STK10: variants seen among roughly 807,000 people sequenced by gnomAD.
The protein encoded by STK10 is serine/threonine-protein kinase 10.
Under a neutral mutation model 113.8 loss-of-function variants are expected in STK10, and 78 were observed. That is an observed-to-expected ratio of 0.69 (90% CI 0.57 to 0.83). The LOEUF (loss-of-function observed/expected upper bound fraction) is 0.83, where lower values mean the gene tolerates loss of function less well. Among genes scored for constraint, STK10 ranks in the 40% least tolerant of loss-of-function variants. The pLI, the probability that STK10 is intolerant of heterozygous loss-of-function variation, is 0.00. For synonymous variants in STK10, 465 were observed against 494.7 expected (o/e 0.94, Z 0.80); for missense variants, 1,109 against 1,280.1 (o/e 0.87, Z 2.04).
intron 1 of STK10, among the ~76,000 whole-genome samples, chr5:172,162,426 G>A (rs970205823): frequency 1.3e-5 from 2 of 151,956 alleles, no homozygotes; most frequent in African/African-American, 2.4e-5. Flanking sequence ...GTGCTTGCTC[G>A]CTCACTTGCT....
Position 172,106,830 on chromosome 5 carries a change from G to C in STK10, c.594-16C>G. The C allele has an allele frequency of 6.2e-7, 1 of 1,610,896 alleles. No individual in the cohort carries two copies. On this transcript the variant is annotated splice_polypyrimidine_tract_variant and intron_variant, in intron 5 of 18. Transcript: ENST00000176763. ...GGGGGCCATCCTGAACCAACCAAGG[G>C]ACAACATAGGGCTAAGAATCTGGCC...
At chr5:172,057,245 C>T in intron 15 of STK10, 104 bp downstream of exon 15, 3 of 1,490,674 alleles carry the variant, frequency 2.0e-6, no homozygotes, top group Non-Finnish European at 2.7e-6. Context: ...GGGCACTTGT[C>T]ATCCAAAGTG....
intron 2 of STK10, among the ~76,000 whole-genome samples, chr5:172,144,965 A>C (rs1770055910): frequency 6.6e-6 from 1 of 151,800 alleles, no homozygotes; most frequent in Non-Finnish European, 1.5e-5. Context: ...AGGGGACCTA[A>C]CTCCCTCAGG....
rs1004696723 is a variant in STK10 at position 172,042,200 on chromosome 5, A to AG, written c.*2681dup. On this transcript the variant is annotated 3_prime_UTR_variant, in exon 19 of 19. Coordinates refer to ENST00000176763, the MANE Select transcript of STK10 (RefSeq NM_005990.4). ...TAAAAATAATTTCTATCTTTCATAA[A>AG]GGGAAAATAAAAGTTAGTTACATTT... 13 of 152,756 alleles carry AG rather than the reference A, an allele frequency of 8.5e-5. No individual in the cohort carries two copies. Among genetic ancestry groups the AG allele is most frequent in the African/African-American group, 3.1e-4 (13 of 41,546 alleles). 9.5% of individuals were successfully genotyped at this position (152,756 alleles called of 1,614,324 possible).
At chr5:172,176,002 G>A (rs1165574656) in intron 1 of STK10, among the ~76,000 whole-genome samples, 1 of 152,112 alleles carries the variant, frequency 6.6e-6, no homozygotes, top group Non-Finnish European at 1.5e-5. Context: ...GTTCACTTTG[G>A]AACCCACAGG....
intron 16 of STK10, 115 bp from the exon 17 acceptor site, chr5:172,054,809 C>T (rs1581131694): frequency 1.4e-6 from 2 of 1,399,502 alleles, no homozygotes; most frequent in African/African-American, 2.8e-5. Flanking sequence ...CTGTGCACAG[C>T]CCCAGTACCC....
rs13713 is a variant in STK10, at chr5:172,044,475, C to T, written c.*407G>A. The T allele has an allele frequency of 7.9e-3, 1,484 of 186,858 alleles. 27 individuals carry two copies. The highest frequency in any genetic ancestry group is 0.033 in the African/African-American group (1,391 of 42,466). The allele number at this position is 186,858 out of a possible 1,614,324, so 11.6% of individuals were successfully genotyped here. On this transcript the variant is annotated 3_prime_UTR_variant, in exon 19 of 19. Transcript: ENST00000176763. This position sits in a 1 kb window ranked among gnomAD's most constrained non-coding sequence, Gnocchi z 4.5. ...GGCTGAAAAACCAAGAATTCCAGCC[C>T]GGATGAGCCCACGGGGACTTCATCA...
chr5:172,088,901 A>G (rs778866644), intron 10 of STK10, among the ~76,000 whole-genome samples: 3 of 152,240 alleles, frequency 2.0e-5, no homozygotes, highest in Non-Finnish European at 2.9e-5. Flanking sequence ...ACAACTGAAA[A>G]GTATAAAGCT....
intron 14 of STK10, among the ~76,000 whole-genome samples, chr5:172,059,248 C>A (rs1186707910): frequency 6.6e-6 from 1 of 151,792 alleles, no homozygotes; most frequent in Non-Finnish European, 1.5e-5. Flanking sequence ...TGGTGAAATC[C>A]CATCTCTCCT....
intron 1 of STK10, among the ~76,000 whole-genome samples, chr5:172,168,651 G>A (rs905917480): frequency 1.1e-4 from 17 of 152,310 alleles, no homozygotes; most frequent in African/African-American, 3.4e-4. Flanking sequence ...GAAGTACACA[G>A]AGGTACCACC....
At position 172,187,841 on chromosome 5, in the gene STK10, C is replaced by A. The variant is rs1047845538; in HGVS notation, c.156+46G>T. 2 of 1,599,630 alleles carry A rather than the reference C, an allele frequency of 1.3e-6. No individual in the cohort carries two copies. The highest frequency in any genetic ancestry group is 1.7e-6 in the Non-Finnish European group (2 of 1,173,574). On this transcript the variant is annotated intron_variant, in intron 1 of 18. Transcript: ENST00000176763. The surrounding 1 kb of genome is among the most constrained non-coding windows in gnomAD (Gnocchi z 4.6). Reference sequence around the variant, plus strand: ...GTCCGGCTCAGGCATCCCTTCCTTCCGGAGCCCCTCGACGCGCGTCCGGCC... The same window carrying A: ...GTCCGGCTCAGGCATCCCTTCCTTCAGGAGCCCCTCGACGCGCGTCCGGCC...
intron 2 of STK10, among the ~76,000 whole-genome samples, chr5:172,149,451 GGCTGCAAAGCCTGTGCA>G (rs1770158786): frequency 6.6e-6 from 1 of 152,076 alleles, no homozygotes; most frequent in African/African-American, 2.4e-5. Context: ...CCACCTCCAG[GGCTGCAAAGCCTGTGCA>G]GACTTTAAAG....
In STK10 at chr5:172,188,072, C is replaced by T. The variant is rs375937221; in HGVS notation, c.-30G>A. On this transcript the variant is annotated 5_prime_UTR_variant, in exon 1 of 19. Coordinates refer to ENST00000176763, the MANE Select transcript of STK10 (RefSeq NM_005990.4). This position sits in a 1 kb window ranked among gnomAD's most constrained non-coding sequence, Gnocchi z 5.6. ...GGGGGCGCGGTGGCGCCGGCTCGGG[C>T]TCGGGCTCGGGCTCGGGCTGTGGCT... The T allele has an allele frequency of 2.5e-6, 4 of 1,595,950 alleles. No homozygotes were observed. The South Asian group carries it at 4.5e-5, about 18-fold the overall frequency.
chr5:172,085,793 C>T (rs1426821361), intron 10 of STK10, among the ~76,000 whole-genome samples: 1 of 152,100 alleles, frequency 6.6e-6, no homozygotes. Context: ...CCTGACTGAA[C>T]TGGAGGCTCC....
At chr5:172,101,529 T>A (rs1201101725) in intron 7 of STK10, among the ~76,000 whole-genome samples, 3 of 151,270 alleles carry the variant, frequency 2.0e-5, no homozygotes, top group African/African-American at 7.3e-5. Flanking sequence ...GCTCTCTATA[T>A]ACCAGGCACT....
At chr5:172,056,782 G>T (rs1767781847) in intron 15 of STK10, among the ~76,000 whole-genome samples, 1 of 151,528 alleles carries the variant, frequency 6.6e-6, no homozygotes, top group African/African-American at 2.4e-5. Flanking sequence ...GCTGAGGCAG[G>T]AGAATCACTT....
At chr5:172,087,107 AGTGTGTGTGTGTGTGTGTGTGTGT>A (rs201052929) in intron 10 of STK10, among the ~76,000 whole-genome samples, 1 of 128,858 alleles carries the variant, frequency 7.8e-6, no homozygotes, top group Non-Finnish European at 1.6e-5. Flanking sequence ...AGATGACACC[AGTGTGTGTGTGTGTGTGTGTGTGT>A]GTGTGTGTGT....
chr5:172,088,092 A>T (rs1399158019), intron 10 of STK10, among the ~76,000 whole-genome samples: 3 of 151,558 alleles, frequency 2.0e-5, no homozygotes, highest in Non-Finnish European at 4.4e-5. Flanking sequence ...TAATTTTAAA[A>T]TTTTTTTGTA....
At chr5:172,088,195 C>T (rs1293578952) in intron 10 of STK10, among the ~76,000 whole-genome samples, 2 of 152,152 alleles carry the variant, frequency 1.3e-5, no homozygotes, top group Admixed American at 6.5e-5. Context: ...CAGGTGTGTG[C>T]TGCTGTGCCC....
Sources: gnomAD v4.1 joint callset for allele counts (sites outside exome capture counted in the v4.1 genomes callset) on GRCh38, gnomAD v4.1.1 for gene constraint, Gnocchi (gnomAD v3.1) non-coding constraint, MANE v1.5 for transcripts, NCBI Gene and HGNC (gene_info 2026-07-23, HGNC 2026-07-21) for gene names.